The following FOCAD variants were observed in gnomAD, a reference collection of about 807,000 sequenced individuals.
The protein encoded by FOCAD is KIAA1797.
Under a neutral mutation model 225.6 loss-of-function variants are expected in FOCAD, and 198 were observed. The ratio of observed to expected loss-of-function variants is 0.88; its 90% CI spans 0.78 to 0.99. FOCAD has a LOEUF of 0.99. FOCAD is among the 50% of genes least tolerant of loss of function. The pLI is 0.00. For synonymous variants in FOCAD, 897 were observed against 755.0 expected (o/e 1.19, Z -3.08); for missense variants, 2,713 against 2,123.6 (o/e 1.28, Z -5.46).
At chr9:20,698,945 G>T (rs960786113) in intron 1 of FOCAD, among the ~76,000 whole-genome samples, 2 of 152,184 alleles carry the variant, frequency 1.3e-5, no homozygotes, top group African/African-American at 4.8e-5. Flanking sequence ...CACACTTTGG[G>T]ATATAGCCAA....
chr9:20,879,669 G>T (rs1450840781), intron 19 of FOCAD, among the ~76,000 whole-genome samples: 3 of 152,146 alleles, frequency 2.0e-5, no homozygotes, highest in African/African-American at 7.2e-5. Context: ...CTGGTCATTG[G>T]TAAGAAAGAG....
intron 21 of FOCAD, among the ~76,000 whole-genome samples, chr9:20,893,342 C>CT (rs35893484): frequency 0.58 from 87,529 of 151,920 alleles, 25,381 homozygotes; most frequent in East Asian, 0.68. Flanking sequence ...GGATTATTAG[C>CT]TTTAATGCAT....
rs552614894 is a variant in FOCAD, at chr9:20,970,425, G to C, written c.4133-5995G>C. ...GTGATTTTAGTTGACGTATCTTTAT[G>C]TGAGTTGATTCTTTTGCCTGCTCAA... On this transcript the variant is annotated intron_variant, in intron 35 of 43. Coordinates refer to ENST00000338382, the MANE Select transcript of FOCAD (RefSeq NM_001375567.1). 4.6e-5 allele frequency among the ~76,000 whole-genome samples: 7 copies of C among 152,062 alleles called. No homozygotes were observed. In the East Asian group the frequency reaches 1.2e-3, roughly 25 times the overall value.
intron 39 of FOCAD, among the ~76,000 whole-genome samples, chr9:20,983,540 C>G (rs1339785941): frequency 6.9e-6 from 1 of 145,784 alleles, no homozygotes; most frequent in African/African-American, 2.6e-5. Flanking sequence ...CCACTGTACT[C>G]CAGCCTGGTG....
chr9:20,852,274 T>G (rs1827734724), intron 15 of FOCAD, among the ~76,000 whole-genome samples: 1 of 151,802 alleles, frequency 6.6e-6, no homozygotes, highest in South Asian at 2.1e-4. Context: ...GATTATAGGT[T>G]TTGTCTTTAG....
chr9:20,925,063 A>G (rs1834812565), intron 25 of FOCAD, among the ~76,000 whole-genome samples: 1 of 152,206 alleles, frequency 6.6e-6, no homozygotes, highest in Non-Finnish European at 1.5e-5. Context: ...AGCCATGGAT[A>G]TATATTACAT....
Position 20,710,606 on chromosome 9 carries a change from A to AAT in FOCAD, c.-32-4715_-32-4714insTA, listed in dbSNP as rs1205677352. Among the ~76,000 whole-genome samples, 10 of 152,142 alleles carry AAT rather than the reference A, an allele frequency of 6.6e-5. No homozygotes were observed. In the South Asian group the frequency reaches 1.9e-3, roughly 28 times the overall value. On this transcript the variant is annotated intron_variant, in intron 1 of 43. Transcript: ENST00000338382. ...AGCGTAACTCTGTCTCAAAAAAAAA[A>AAT]AATAATAATATAACATTTCCTTTTG...
chr9:20,822,538 T>A (rs545961215), intron 14 of FOCAD, among the ~76,000 whole-genome samples: 158 of 152,172 alleles, frequency 1.0e-3, no homozygotes, highest in Admixed American at 1.7e-3. Flanking sequence ...ATCATCATTA[T>A]GATAGGTGTA....
chr9:20,924,965 AT>A (rs1198056348), intron 25 of FOCAD, among the ~76,000 whole-genome samples: 1 of 152,190 alleles, frequency 6.6e-6, no homozygotes, highest in Non-Finnish European at 1.5e-5. Context: ...TTGATTGAGC[AT>A]TTAACTAACC....
At chr9:20,892,899 T>G (rs938002558) in intron 21 of FOCAD, among the ~76,000 whole-genome samples, 6 of 152,116 alleles carry the variant, frequency 3.9e-5, no homozygotes, top group African/African-American at 1.4e-4. Context: ...CCAACATTCA[T>G]CAGCCACCCT....
At chr9:20,840,076 T>C (rs559672812) in intron 15 of FOCAD, among the ~76,000 whole-genome samples, 3 of 152,288 alleles carry the variant, frequency 2.0e-5, no homozygotes, top group Non-Finnish European at 4.4e-5. Flanking sequence ...TGTAATGTTA[T>C]TTGAAGTCAG....
intron 21 of FOCAD, among the ~76,000 whole-genome samples, chr9:20,891,124 A>G (rs1831577108): frequency 6.6e-6 from 1 of 152,130 alleles, no homozygotes; most frequent in Non-Finnish European, 1.5e-5. Flanking sequence ...TACGATTGTA[A>G]TTGTTTTGAG....
chr9:20,950,463 A>G (rs1434774737), intron 33 of FOCAD, among the ~76,000 whole-genome samples: 1 of 152,212 alleles, frequency 6.6e-6, no homozygotes, highest in East Asian at 1.9e-4. Flanking sequence ...TTTTGCATGT[A>G]TGAATAGAAA....
intron 15 of FOCAD, among the ~76,000 whole-genome samples, chr9:20,860,374 C>T (rs547577769): frequency 2.0e-5 from 3 of 152,196 alleles, no homozygotes; most frequent in Non-Finnish European, 4.4e-5. Flanking sequence ...ATTGGACTTA[C>T]AGTTCCATGT....
At chr9:20,786,373 T>C (rs1248866450) in intron 10 of FOCAD, among the ~76,000 whole-genome samples, 3 of 152,220 alleles carry the variant, frequency 2.0e-5, no homozygotes, top group African/African-American at 4.8e-5. Context: ...GGACTGAGCA[T>C]GTTGTGTGTT....
In FOCAD at chr9:20,660,251, A is replaced by G. The variant is rs141538148; in HGVS notation, c.-78+1425A>G. 5.0e-4 allele frequency among the ~76,000 whole-genome samples: 76 copies of G among 152,362 alleles called. No homozygotes were observed. In the East Asian group the frequency reaches 0.015, roughly 29 times the overall value. On this transcript the variant is annotated intron_variant, in intron 2 of 45. Transcript: ENST00000380249. ...TTAACCTAGGGCTTATCAGGCGCCA[A>G]GCAATATTCTGAACCCTTTGGATGT...
chr9:20,722,567 C>G (rs1825872768), intron 4 of FOCAD, among the ~76,000 whole-genome samples: 1 of 152,212 alleles, frequency 6.6e-6, no homozygotes, highest in Non-Finnish European at 1.5e-5. Context: ...TTAGTAGATG[C>G]CCAGATATTT....
chr9:20,894,984 T>A (rs1439778837), intron 21 of FOCAD, among the ~76,000 whole-genome samples: 1 of 152,194 alleles, frequency 6.6e-6, no homozygotes, highest in South Asian at 2.1e-4. Flanking sequence ...ATAATCTATT[T>A]TGAGTTAATT....
intron 2 of FOCAD, among the ~76,000 whole-genome samples, chr9:20,664,427 C>G (rs1178150936): frequency 6.6e-6 from 1 of 151,258 alleles, no homozygotes; most frequent in East Asian, 1.9e-4. Flanking sequence ...ATTCATTTCT[C>G]AGTGCATATT....
Sources: allele counts gnomAD v4.1 joint callset (sites outside exome capture counted in the v4.1 genomes callset), GRCh38; gene constraint gnomAD v4.1.1; transcripts MANE v1.5; gene names NCBI Gene and HGNC (gene_info 2026-07-23, HGNC 2026-07-21).